RYR2: variants seen among roughly 807,000 people sequenced by gnomAD.
The protein encoded by RYR2 is ryanodine receptor 2, also known as cardiac muscle ryanodine receptor-calcium release channel.
In RYR2, 227 loss-of-function variants were observed where a neutral mutation model predicts 601.1. The ratio of observed to expected loss-of-function variants is 0.38; its 90% CI spans 0.34 to 0.42. The LOEUF (loss-of-function observed/expected upper bound fraction) is 0.42. Among genes scored for constraint, RYR2 ranks in the 10% least tolerant of loss-of-function variants. The pLI is 1.00. For synonymous variants in RYR2, 2,223 were observed against 2,175.1 expected (o/e 1.02, Z -0.61); for missense variants, 4,646 against 6,156.5 (o/e 0.75, Z 8.21).
chr1:237,249,229 A>G (rs1572356293), intron 1 of RYR2, among the ~76,000 whole-genome samples: 1 of 152,158 alleles, frequency 6.6e-6, no homozygotes, highest in Non-Finnish European at 1.5e-5. Flanking sequence ...TAGTTTTTAT[A>G]TTACTCATAG....
At chr1:237,225,232 C>T (rs929576218) in intron 1 of RYR2, among the ~76,000 whole-genome samples, 9 of 152,064 alleles carry the variant, frequency 5.9e-5, no homozygotes, top group East Asian at 1.9e-4. Context: ...AATTTATTAC[C>T]GACAGAGAGC....
At chr1:237,268,780 AC>A (rs201962245) in intron 1 of RYR2, among the ~76,000 whole-genome samples, 5,122 of 151,370 alleles carry the variant, frequency 0.034, 264 homozygotes, top group African/African-American at 0.12. Flanking sequence ...TATTAAAAAT[AC>A]AAAAATTAGC....
intron 29 of RYR2, among the ~76,000 whole-genome samples, chr1:237,589,342 G>T (rs746972441): frequency 6.6e-6 from 1 of 152,118 alleles, no homozygotes; most frequent in Non-Finnish European, 1.5e-5. Flanking sequence ...CTCAGACTGT[G>T]TCTGGTGTTA....
chr1:237,319,938 T>C (rs1695467744), intron 2 of RYR2, among the ~76,000 whole-genome samples: 1 of 152,146 alleles, frequency 6.6e-6, no homozygotes, highest in Admixed American at 6.5e-5. Flanking sequence ...CCAAATCAAG[T>C]GAGTTCCCTT....
chr1:237,189,407 G>A (rs1043375124), intron 1 of RYR2, among the ~76,000 whole-genome samples: 64 of 152,278 alleles, frequency 4.2e-4, no homozygotes, highest in African/African-American at 1.5e-3. Flanking sequence ...TCTTGTATAT[G>A]TCTTTTGGAT....
rs769146715 is a variant in RYR2, at chr1:237,784,632, G to A, written c.12920G>A (p.Arg4307His). The A allele has an allele frequency of 1.4e-5, 23 of 1,613,510 alleles. No individual in the cohort carries two copies. The highest frequency in any genetic ancestry group is 6.7e-5 in the African/African-American group (5 of 74,814). The change falls in exon 90 of 105, where the codon CGC becomes CAC. Residue 4307 changes from arginine (R) to histidine (H), a missense_variant. Arg to His is a conservative substitution (Grantham distance 29). Coordinates refer to ENST00000366574, the MANE Select transcript of RYR2 (RefSeq NM_001035.3). This position sits in a 1 kb window ranked among gnomAD's most constrained non-coding sequence, Gnocchi z 7.1. Reference protein sequence around the residue: ...FVASVFRGFFRIICSLLLGGS... With the variant: ...FVASVFRGFFHIICSLLLGGS... The stretch of plus-strand genomic sequence containing the variant: ...GCCAGCGTTTTCAGAGGCTTTTTCC[G>A]CATCATTTGCAGCCTGCTGCTTGGG...
chr1:237,314,028 A>C (rs1572570827), intron 2 of RYR2, among the ~76,000 whole-genome samples: 1 of 126,484 alleles, frequency 7.9e-6, no homozygotes, highest in African/African-American at 4.1e-5. Context: ...ACTCAGCAAA[A>C]AAAAAAAAAA....
chr1:237,371,885 C>T (rs550215743), intron 6 of RYR2, among the ~76,000 whole-genome samples: 30 of 152,054 alleles, frequency 2.0e-4, no homozygotes, highest in African/African-American at 6.5e-4. Flanking sequence ...CATCACACAC[C>T]GGGGCCTGTC....
intron 2 of RYR2, among the ~76,000 whole-genome samples, chr1:237,326,249 G>C (rs1472785913): frequency 6.6e-6 from 1 of 151,888 alleles, no homozygotes; most frequent in Non-Finnish European, 1.5e-5. Flanking sequence ...GCCAGGCAGG[G>C]GAGGATGGTG....
intron 1 of RYR2, among the ~76,000 whole-genome samples, chr1:237,160,007 G>A (rs192151829): frequency 2.6e-5 from 4 of 152,218 alleles, no homozygotes; most frequent in South Asian, 2.1e-4. Flanking sequence ...TGAGATTAGG[G>A]ACCATGCTTT....
intron 25 of RYR2, among the ~76,000 whole-genome samples, chr1:237,545,464 A>G (rs1669699491): frequency 6.6e-6 from 1 of 152,216 alleles, no homozygotes; most frequent in Admixed American, 6.5e-5. Context: ...AGTGATTCAC[A>G]GGTGGATATC....
chr1:237,681,876 C>A (rs537281315), intron 62 of RYR2, among the ~76,000 whole-genome samples: 2 of 152,184 alleles, frequency 1.3e-5, no homozygotes, highest in African/African-American at 4.8e-5. Context: ...TACCCTTAAA[C>A]GTCGTGAAAT....
At chr1:237,417,024 G>C in intron 10 of RYR2, 25 bp from the exon 11 acceptor site, 1 of 1,605,984 alleles carries the variant, frequency 6.2e-7, no homozygotes, top group South Asian at 1.1e-5. Context: ...CTCACATTTG[G>C]GCTTTTGTTT....
intron 1 of RYR2, among the ~76,000 whole-genome samples, chr1:237,083,428 G>C (rs894289219): frequency 2.6e-5 from 4 of 152,128 alleles, no homozygotes; most frequent in African/African-American, 9.7e-5. Context: ...ATCTCATGCA[G>C]AATTTAAAAC....
Position 237,047,827 on chromosome 1 carries a change from T to A in RYR2, c.48+5258T>A, listed in dbSNP as rs576574185. ...GTGGTTATCCCAAAAGATTCTGTCCTATTTCCTGTTCTGGCTCTTCTGCCT... is the reference window on the plus strand; with the variant it reads ...GTGGTTATCCCAAAAGATTCTGTCCAATTTCCTGTTCTGGCTCTTCTGCCT... On this transcript the variant is annotated intron_variant, in intron 1 of 104. Transcript: ENST00000366574. Among the ~76,000 whole-genome samples the A allele has an allele frequency of 1.9e-4, 29 of 152,348 alleles. No individual in the cohort carries two copies. The South Asian group carries it at 5.6e-3, about 29-fold the overall frequency.
At chr1:237,396,922 C>A (rs1351956554) in intron 10 of RYR2, among the ~76,000 whole-genome samples, 1 of 152,016 alleles carries the variant, frequency 6.6e-6, no homozygotes, top group Non-Finnish European at 1.5e-5. Flanking sequence ...AGAAAAAAAT[C>A]TTTGGGATCA....
At chr1:237,505,298 T>C (rs1665102593) in intron 22 of RYR2, among the ~76,000 whole-genome samples, 1 of 152,236 alleles carries the variant, frequency 6.6e-6, no homozygotes, top group South Asian at 2.1e-4. Flanking sequence ...GAATTCAATA[T>C]CGACTTATAT....
chr1:237,544,380 A>T (rs1485924565), intron 25 of RYR2, among the ~76,000 whole-genome samples: 2 of 152,222 alleles, frequency 1.3e-5, no homozygotes, highest in African/African-American at 4.8e-5. Context: ...TTGAGAAAGT[A>T]GAATGTAATA....
chr1:237,560,481 C>G (rs1671340270), intron 27 of RYR2, among the ~76,000 whole-genome samples: 1 of 152,190 alleles, frequency 6.6e-6, no homozygotes, highest in African/African-American at 2.4e-5. Context: ...CTCTGTTCTG[C>G]CCACTACAAG....
Sources: allele counts gnomAD v4.1 joint callset (sites outside exome capture counted in the v4.1 genomes callset), GRCh38; gene constraint gnomAD v4.1.1; non-coding constraint Gnocchi (gnomAD v3.1); transcripts MANE v1.5; gene names NCBI Gene and HGNC (gene_info 2026-07-23, HGNC 2026-07-21).